Variants in CTNNA2 observed in about 807,000 individuals in gnomAD.
The protein encoded by CTNNA2 is catenin alpha 2.
CTNNA2 carries 42 observed loss-of-function variants against 101.0 expected under a neutral mutation model. That is an observed-to-expected ratio of 0.42 (90% CI 0.32 to 0.54). CTNNA2 has a LOEUF of 0.54. CTNNA2 is among the 20% of genes least tolerant of loss of function. The pLI is 0.14. For missense variants in CTNNA2, 871 were observed against 1,223.1 expected, an observed-to-expected ratio of 0.71 and a Z score of 4.29; for synonymous variants, 450 against 456.4, an observed-to-expected ratio of 0.99 and a Z score of 0.18.
At chr2:80,474,707 T>G (rs1461068830) in intron 9 of CTNNA2, among the ~76,000 whole-genome samples, 1 of 152,170 alleles carries the variant, frequency 6.6e-6, no homozygotes, top group African/African-American at 2.4e-5. Context: ...CCATGAATTC[T>G]CTGTTATTAG....
At chr2:79,905,258 A>G (rs1265677102) in intron 6 of CTNNA2, among the ~76,000 whole-genome samples, 1 of 152,238 alleles carries the variant, frequency 6.6e-6, no homozygotes, top group African/African-American at 2.4e-5. Context: ...CATGATAAAC[A>G]TAGATTAACT....
intron 1 of CTNNA2, among the ~76,000 whole-genome samples, chr2:79,192,089 T>C (rs905881237): frequency 1.3e-5 from 2 of 151,960 alleles, no homozygotes; most frequent in East Asian, 3.9e-4. Flanking sequence ...TCTTTTTTTT[T>C]TCCAGGGCTG....
chr2:80,469,195 A>T (rs1685093379), intron 9 of CTNNA2, among the ~76,000 whole-genome samples: 1 of 152,146 alleles, frequency 6.6e-6, no homozygotes, highest in South Asian at 2.1e-4. Flanking sequence ...GGTTTTGGTC[A>T]TTTTGCTAAC....
At chr2:79,745,454 A>C (rs1047529311) in intron 3 of CTNNA2, among the ~76,000 whole-genome samples, 49 of 151,964 alleles carry the variant, frequency 3.2e-4, no homozygotes, top group African/African-American at 1.2e-3. Context: ...ATAAAATAAA[A>C]AGAAAAAAGT....
chr2:80,035,424 T>C (rs1444256695), intron 7 of CTNNA2, among the ~76,000 whole-genome samples: 1 of 152,220 alleles, frequency 6.6e-6, no homozygotes, highest in Non-Finnish European at 1.5e-5. Flanking sequence ...TGGTTCACAA[T>C]TGTTGTAAAA....
At chr2:80,005,941 A>C (rs1399601205) in intron 7 of CTNNA2, among the ~76,000 whole-genome samples, 1 of 152,158 alleles carries the variant, frequency 6.6e-6, no homozygotes, top group Non-Finnish European at 1.5e-5. Context: ...TAGCAAAGCT[A>C]TGTTTGCTTT....
chr2:79,899,175 G>T (rs1232129187), intron 6 of CTNNA2, among the ~76,000 whole-genome samples: 1 of 151,628 alleles, frequency 6.6e-6, no homozygotes, highest in South Asian at 2.1e-4. Flanking sequence ...TAACATGACT[G>T]TTTTTTTTCA....
intron 7 of CTNNA2, among the ~76,000 whole-genome samples, chr2:80,274,020 T>C (rs1008072060): frequency 2.6e-5 from 4 of 152,142 alleles, no homozygotes; most frequent in Non-Finnish European, 5.9e-5. Context: ...TCCATAAATA[T>C]TTGTCGAATG....
At chr2:79,970,691 A>G (rs1486390197) in intron 7 of CTNNA2, among the ~76,000 whole-genome samples, 1 of 152,168 alleles carries the variant, frequency 6.6e-6, no homozygotes, top group African/African-American at 2.4e-5. Context: ...TACAATAATA[A>G]TAGGTGGCAG....
intron 14 of CTNNA2, among the ~76,000 whole-genome samples, chr2:80,582,280 T>C (rs1021063882): frequency 6.6e-6 from 1 of 152,134 alleles, no homozygotes; most frequent in East Asian, 1.9e-4. Context: ...ATGGCCTATG[T>C]TCTATGATAT....
intron 1 of CTNNA2, among the ~76,000 whole-genome samples, chr2:79,582,540 T>C (rs867342005): frequency 4.6e-5 from 7 of 152,310 alleles, no homozygotes; most frequent in Middle Eastern, 3.4e-3. Flanking sequence ...TAAGAAAACC[T>C]TGATGCCATT....
At chr2:79,948,997 A>AG (rs34891400) in intron 7 of CTNNA2, among the ~76,000 whole-genome samples, 1 of 151,990 alleles carries the variant, frequency 6.6e-6, no homozygotes, top group Admixed American at 6.6e-5. Flanking sequence ...AATAAAATAA[A>AG]TGGATAAATA....
chr2:80,050,230 C>CTATG (rs1696790622), intron 7 of CTNNA2, among the ~76,000 whole-genome samples: 1 of 152,184 alleles, frequency 6.6e-6, no homozygotes, highest in Non-Finnish European at 1.5e-5. Context: ...CACCTCTCTA[C>CTATG]CACCCTCCTA....
chr2:80,620,001 T>A (rs189041039), intron 18 of CTNNA2, among the ~76,000 whole-genome samples: 1 of 151,994 alleles, frequency 6.6e-6, no homozygotes, highest in African/African-American at 2.4e-5. Flanking sequence ...GAGCGGGCAC[T>A]TTTCTCCACT....
intron 9 of CTNNA2, among the ~76,000 whole-genome samples, chr2:80,424,611 A>T (rs540287064): frequency 1.4e-4 from 21 of 152,246 alleles, no homozygotes; most frequent in African/African-American, 5.1e-4. Flanking sequence ...GATCAAAGTG[A>T]CTTGAACCTA....
At chr2:80,641,189 AACAC>A (rs1673437729) in intron 18 of CTNNA2, among the ~76,000 whole-genome samples, 1 of 152,194 alleles carries the variant, frequency 6.6e-6, no homozygotes, top group South Asian at 2.1e-4. Flanking sequence ...AATCAAAGTA[AACAC>A]CTCAGTTCTT....
At chr2:80,345,444 A>G (rs1356988453) in intron 7 of CTNNA2, among the ~76,000 whole-genome samples, 6 of 151,294 alleles carry the variant, frequency 4.0e-5, no homozygotes, top group Admixed American at 3.3e-4. Context: ...ACTGTTCTAA[A>G]TCACAATTCC....
intron 3 of CTNNA2, among the ~76,000 whole-genome samples, chr2:79,783,076 G>A (rs759818360): frequency 2.0e-5 from 3 of 151,816 alleles, no homozygotes; most frequent in Non-Finnish European, 4.4e-5. Context: ...CTCAACAAGA[G>A]TTGTCTCTTG....
At chr2:79,888,649 T>G (rs1684073268) in intron 6 of CTNNA2, among the ~76,000 whole-genome samples, 1 of 152,190 alleles carries the variant, frequency 6.6e-6, no homozygotes, top group Non-Finnish European at 1.5e-5. Flanking sequence ...CTATCAGGTT[T>G]AATCAAAATT....
Sources: gnomAD v4.1 joint callset for allele counts (sites outside exome capture counted in the v4.1 genomes callset) on GRCh38, gnomAD v4.1.1 for gene constraint, MANE v1.5 for transcripts, NCBI Gene and HGNC (gene_info 2026-07-23, HGNC 2026-07-21) for gene names.